Variants in MYOZ2 observed in about 807,000 individuals in gnomAD.
MYOZ2 encodes the protein myozenin-2.
In MYOZ2, 19 loss-of-function variants were observed where a neutral mutation model predicts 25.4. That is an observed-to-expected ratio of 0.75 (90% CI 0.52 to 1.10). The LOEUF (loss-of-function observed/expected upper bound fraction) is 1.10, where lower values mean the gene tolerates loss of function less well. Ranked by LOEUF, MYOZ2 falls within the 50% of genes least tolerant of loss-of-function variation. The pLI is 0.00. For synonymous variants in MYOZ2, 92 were observed against 106.9 expected, an observed-to-expected ratio of 0.86 and a Z score of 0.86; for missense variants, 270 against 317.9, an observed-to-expected ratio of 0.85 and a Z score of 1.15.
chr4:119,147,680 G>A (rs1040854304), intron 2 of MYOZ2, among the ~76,000 whole-genome samples: 1 of 150,930 alleles, frequency 6.6e-6, no homozygotes, highest in African/African-American at 2.4e-5. Context: ...GGAGGCGAAG[G>A]TTGCAGTGAG....
chr4:119,169,468 A>G (rs1402761906), intron 5 of MYOZ2, among the ~76,000 whole-genome samples: 1 of 152,258 alleles, frequency 6.6e-6, no homozygotes, highest in Non-Finnish European at 1.5e-5. Context: ...GAACAACTTC[A>G]TAAAAATAAC....
chr4:119,174,841 A>G (rs759494317), intron 5 of MYOZ2, among the ~76,000 whole-genome samples: 4 of 152,108 alleles, frequency 2.6e-5, no homozygotes, highest in Non-Finnish European at 1.5e-5. Context: ...TGCTTTTATG[A>G]GCTGTAACAG....
chr4:119,166,039 G>A (rs935923344), intron 5 of MYOZ2, among the ~76,000 whole-genome samples: 5 of 129,480 alleles, frequency 3.9e-5, no homozygotes, highest in South Asian at 2.4e-4. Flanking sequence ...GTGTGTGTGC[G>A]TGTGTGTGTG....
At chr4:119,144,138 C>A (rs1361804414) in intron 2 of MYOZ2, among the ~76,000 whole-genome samples, 1 of 152,172 alleles carries the variant, frequency 6.6e-6, no homozygotes. Context: ...TCTCCTTAAA[C>A]CCTGACCAAT....
chr4:119,142,734 A>G (rs1257590648), intron 2 of MYOZ2, among the ~76,000 whole-genome samples: 2 of 152,236 alleles, frequency 1.3e-5, no homozygotes, highest in South Asian at 2.1e-4. Context: ...ATTTTTAAAC[A>G]TTTTAATAAT....
chr4:119,176,022 T>C (rs539193358), intron 5 of MYOZ2, among the ~76,000 whole-genome samples: 1 of 152,314 alleles, frequency 6.6e-6, no homozygotes, highest in Non-Finnish European at 1.5e-5. Flanking sequence ...CCTAGGCTCC[T>C]CTGCACTCAG....
At position 119,186,892 on chromosome 4, in the gene MYOZ2, G is replaced by C. The variant is rs1405633127; in HGVS notation, c.*692G>C. The stretch of plus-strand genomic sequence containing the variant: ...TAGTACCATAGTTTTAAGGACCAAG[G>C]TGTGCCCAGAATTCAAGTTTCACAA... On this transcript the variant is annotated 3_prime_UTR_variant, in exon 6 of 6. Coordinates refer to ENST00000307128, the MANE Select transcript of MYOZ2 (RefSeq NM_016599.5). 1.3e-5 allele frequency: 2 copies of C among 152,168 alleles called. No individual in the cohort carries two copies. Among genetic ancestry groups the C allele is most frequent in the Non-Finnish European group, 2.9e-5 (2 of 68,042 alleles). The allele number at this position is 152,168 out of a possible 1,614,324, so 9.4% of individuals were successfully genotyped here.
chr4:119,145,089 G>T (rs1257448518), intron 2 of MYOZ2, among the ~76,000 whole-genome samples: 1 of 152,026 alleles, frequency 6.6e-6, no homozygotes, highest in South Asian at 2.1e-4. Flanking sequence ...TCTTTGCCTA[G>T]CTCTAGATCT....
At chr4:119,157,211 G>A (rs764899401) in intron 3 of MYOZ2, among the ~76,000 whole-genome samples, 6 of 151,854 alleles carry the variant, frequency 4.0e-5, no homozygotes, top group Non-Finnish European at 8.8e-5. Context: ...TGACCTAATC[G>A]CTTCTTTTTA....
intron 5 of MYOZ2, among the ~76,000 whole-genome samples, chr4:119,181,581 CT>C (rs1220551281): frequency 5.3e-5 from 8 of 152,202 alleles, no homozygotes; most frequent in African/African-American, 1.9e-4. Context: ...CAGCATATTC[CT>C]GGAAAATAGT....
chr4:119,147,807 A>C (rs996582633), intron 2 of MYOZ2, among the ~76,000 whole-genome samples: 8 of 151,832 alleles, frequency 5.3e-5, no homozygotes, highest in Non-Finnish European at 1.2e-4. Flanking sequence ...TAATTGTCTT[A>C]AGTATTTCTT....
intron 4 of MYOZ2, among the ~76,000 whole-genome samples, chr4:119,163,967 A>G (rs1258162345): frequency 1.3e-5 from 2 of 152,244 alleles, no homozygotes; most frequent in Admixed American, 1.3e-4. Flanking sequence ...ACAGTCAAGA[A>G]AAAACTGTAT....
intron 2 of MYOZ2, among the ~76,000 whole-genome samples, chr4:119,148,144 C>T (rs773715406): frequency 1.8e-4 from 27 of 152,112 alleles, no homozygotes; most frequent in Non-Finnish European, 3.2e-4. Context: ...CAATTCTTTT[C>T]TTGCAGCACC....
rs145387619 is a variant in MYOZ2, at chr4:119,149,166, G to GGA, written c.77-1704_77-1703dup. ...TATTTGGCTCCACTGAAACTTGAGG[G>GGA]GAGCCTCTTTGTTATTGCTGGGAGA... On this transcript the variant is annotated intron_variant, in intron 2 of 5. Transcript: ENST00000307128. Among the ~76,000 whole-genome samples, 1,200 of 152,206 alleles carry GGA rather than the reference G, an allele frequency of 7.9e-3. 20 individuals carry two copies. Among genetic ancestry groups the GGA allele is most frequent in the African/African-American group, 0.028 (1,147 of 41,498 alleles).
chr4:119,186,278 C>T lies in MYOZ2; in HGVS notation c.*78C>T. The T allele has an allele frequency of 1.7e-6, 2 of 1,192,774 alleles. No individual in the cohort carries two copies. The highest frequency in any genetic ancestry group is 2.4e-6 in the Non-Finnish European group (2 of 824,550). The allele number at this position is 1,192,774 out of a possible 1,614,324, so 73.9% of individuals were successfully genotyped here. A position where few individuals can be genotyped will look rare whatever the true frequency, so the allele number is the denominator to read the frequency against. ...ACTATTTTAACTACTGGCAAAGCCA[C>T]TTGCATTTTTCATTAGTAGCAACAA... On this transcript the variant is annotated 3_prime_UTR_variant, in exon 6 of 6. Coordinates refer to ENST00000307128, the MANE Select transcript of MYOZ2 (RefSeq NM_016599.5).
chr4:119,148,396 T>C (rs1324654004), intron 2 of MYOZ2, among the ~76,000 whole-genome samples: 1 of 152,170 alleles, frequency 6.6e-6, no homozygotes, highest in Non-Finnish European at 1.5e-5. Flanking sequence ...TTGTCAACTT[T>C]AGGACATTTT....
intron 4 of MYOZ2, among the ~76,000 whole-genome samples, chr4:119,159,988 A>G (rs902787556): frequency 6.6e-6 from 1 of 152,194 alleles, no homozygotes. Flanking sequence ...CTACATCATC[A>G]ACCACATGAG....
At chr4:119,141,453 G>A (rs144564323) in intron 2 of MYOZ2, among the ~76,000 whole-genome samples, 2,655 of 152,178 alleles carry the variant, frequency 0.017, 89 homozygotes, top group African/African-American at 0.06. Flanking sequence ...TGCAATCTCC[G>A]CTCACTGCAA....
chr4:119,136,705 T>C (rs1741032972), intron 2 of MYOZ2, 104 bp downstream of exon 2: 1 of 1,246,404 alleles, frequency 8.0e-7, no homozygotes, highest in East Asian at 2.5e-5. Context: ...AGATTCTTGC[T>C]GTTCTGTCAT....
Sources: allele counts gnomAD v4.1 joint callset (sites outside exome capture counted in the v4.1 genomes callset), GRCh38; gene constraint gnomAD v4.1.1; transcripts MANE v1.5; gene names NCBI Gene and HGNC (gene_info 2026-07-23, HGNC 2026-07-21).